MED12L: variants seen among roughly 807,000 people sequenced by gnomAD.
MED12L encodes mediator of RNA polymerase II transcription subunit 12-like protein.
MED12L carries 60 observed loss-of-function variants against 281.3 expected under a neutral mutation model. The ratio of observed to expected loss-of-function variants is 0.21; its 90% confidence interval spans 0.17 to 0.26. The LOEUF is 0.26. Ranked by LOEUF, MED12L falls within the 10% of genes least tolerant of loss-of-function variation. MED12L has a pLI of 1.00. For synonymous variants in MED12L, 974 were observed against 987.2 expected (o/e 0.99, Z 0.25); for missense variants, 2,146 against 2,680.9 (o/e 0.80, Z 4.41).
intron 15 of MED12L, 30 bp downstream of exon 15, chr3:151,192,684 AT>A: frequency 7.4e-7 from 1 of 1,354,700 alleles, no homozygotes; most frequent in Non-Finnish European, 1.0e-6. Context: ...CTTATTGACA[AT>A]TAAGAATTAA....
intron 20 of MED12L, among the ~76,000 whole-genome samples, chr3:151,358,956 A>G (rs6793898): frequency 0.42 from 63,458 of 152,020 alleles, 13,766 homozygotes; most frequent in African/African-American, 0.54. Flanking sequence ...TTATTTTAGA[A>G]CAGATTTATT....
chr3:151,248,060 G>T (rs1178771632), intron 16 of MED12L, among the ~76,000 whole-genome samples: 2 of 125,926 alleles, frequency 1.6e-5, no homozygotes, highest in South Asian at 2.7e-4. Context: ...CTAGATTTTT[G>T]GAAATTACTA....
intron 16 of MED12L, among the ~76,000 whole-genome samples, chr3:151,290,548 C>T (rs1160995520): frequency 1.3e-5 from 2 of 151,802 alleles, no homozygotes; most frequent in African/African-American, 2.4e-5. Context: ...ATAAATTATA[C>T]ATTTTTAAAA....
chr3:151,287,874 T>C (rs547020672), intron 16 of MED12L, among the ~76,000 whole-genome samples: 2 of 152,360 alleles, frequency 1.3e-5, no homozygotes, highest in South Asian at 4.1e-4. Flanking sequence ...AAAGCAGTCA[T>C]CTATTGAAGC....
chr3:151,146,879 C>A (rs1043229888), intron 5 of MED12L, among the ~76,000 whole-genome samples: 1 of 152,158 alleles, frequency 6.6e-6, no homozygotes, highest in Non-Finnish European at 1.5e-5. Context: ...GATCATTCAG[C>A]AGAACCCAGC....
At chr3:151,421,697 C>T (rs542235517) in intron 43 of MED12L, among the ~76,000 whole-genome samples, 2 of 152,266 alleles carry the variant, frequency 1.3e-5, no homozygotes, top group South Asian at 4.1e-4. Context: ...GCATGAGCCA[C>T]CATGCCTGGC....
chr3:151,116,560 C>A, intron 3 of MED12L, 118 bp downstream of exon 3: 1 of 661,530 alleles, frequency 1.5e-6, no homozygotes, highest in South Asian at 1.9e-5. Context: ...CAGATTTCCC[C>A]CAAATACCAT....
chr3:151,211,029 A>G (rs184439984), intron 16 of MED12L, among the ~76,000 whole-genome samples: 66 of 152,304 alleles, frequency 4.3e-4, no homozygotes, highest in African/African-American at 1.4e-3. Context: ...AGTGCTAGTG[A>G]TTTCTGGGAA....
At chr3:151,093,536 G>T (rs1394020056) in intron 2 of MED12L, among the ~76,000 whole-genome samples, 2 of 152,124 alleles carry the variant, frequency 1.3e-5, no homozygotes, top group Non-Finnish European at 2.9e-5. Context: ...GAATCTTTTG[G>T]ATAATAAATA....
intron 16 of MED12L, chr3:151,202,987 T>C (rs1406458821): frequency 4.0e-5 from 6 of 149,632 alleles, no homozygotes. Flanking sequence ...TAAAAATTGA[T>C]GCTTTTTTTT....
At chr3:151,243,489 A>G (rs559899467) in intron 16 of MED12L, among the ~76,000 whole-genome samples, 16 of 152,214 alleles carry the variant, frequency 1.1e-4, no homozygotes, top group Non-Finnish European at 2.4e-4. Flanking sequence ...AGAATTTTCA[A>G]CCTGGAATTT....
intron 16 of MED12L, among the ~76,000 whole-genome samples, chr3:151,237,459 C>T (rs1183266965): frequency 1.4e-5 from 2 of 138,954 alleles, no homozygotes; most frequent in African/African-American, 5.3e-5. Flanking sequence ...AAGCGATTCT[C>T]CTGCCTCCGC....
chr3:151,295,225 G>T (rs564347668), intron 16 of MED12L: 2 of 1,575,820 alleles, frequency 1.3e-6, no homozygotes, highest in Admixed American at 1.7e-5. Flanking sequence ...TAGGAGAAGT[G>T]GGGAGATAGG....
chr3:151,414,570 T>G (rs903577494), intron 42 of MED12L, among the ~76,000 whole-genome samples: 2 of 152,186 alleles, frequency 1.3e-5, no homozygotes, highest in South Asian at 2.1e-4. Flanking sequence ...TTCAGTGTGA[T>G]CCACAAAATT....
At chr3:151,355,054 T>C in intron 17 of MED12L, 67 bp from the exon 18 acceptor site, 1 of 1,125,844 alleles carries the variant, frequency 8.9e-7, no homozygotes, top group Non-Finnish European at 1.3e-6. Flanking sequence ...TAAAAAAAAG[T>C]ATCCATTAAA....
Position 151,411,381 on chromosome 3 carries a change from G to A in MED12L, c.6014G>A (p.Arg2005Lys), listed in dbSNP as rs576353393. Residue 2005 changes from arginine to lysine, a missense_variant, in exon 41 of 45, where the codon AGA becomes AAA. By Grantham distance (26) the Arg-to-Lys change is conservative. Coordinates refer to ENST00000687756, the MANE Select transcript of MED12L (RefSeq NM_001393769.1). ...GTCCTGTCTCCCAGCTATAACTCCA[G>A]AGCCTATCCGGCCGCACATTCCAAC... ...SVVLSPSYNSRAYPAAHSNPV... is the reference protein window; with the variant it reads ...SVVLSPSYNSKAYPAAHSNPV... 1.9e-6 allele frequency: 3 copies of A among 1,614,160 alleles called. No homozygotes were observed. The Admixed American group carries it at 5.0e-5, about 27-fold the overall frequency.
In MED12L at chr3:151,122,920, T is replaced by C. The variant is rs780971821; in HGVS notation, c.342T>C (p.His114=). 11 of 1,611,952 alleles carry C rather than the reference T, an allele frequency of 6.8e-6. No individual in the cohort carries two copies. Among genetic ancestry groups the C allele is most frequent in the Non-Finnish European group, 9.3e-6 (11 of 1,179,290 alleles). The change falls in exon 4 of 45, where the codon CAT becomes CAC. Residue 114 remains histidine, a synonymous_variant. Coordinates refer to ENST00000687756, the MANE Select transcript of MED12L (RefSeq NM_001393769.1). The part of the protein sequence containing the change: ...LVTARSQSAI[H]SWFSDLAGNK... ...CTGCTCGATCCCAGAGTGCAATTCA[T>C]AGTTGGTTTTCTGACTTAGCAGGAA...
chr3:151,401,058 A>T (rs1336740549), intron 39 of MED12L, among the ~76,000 whole-genome samples: 1 of 152,196 alleles, frequency 6.6e-6, no homozygotes, highest in East Asian at 1.9e-4. Flanking sequence ...GCATCCATCA[A>T]CATAAACATT....
At chr3:151,367,914 T>C in intron 24 of MED12L, 148 bp downstream of exon 24, 1 of 1,003,218 alleles carries the variant, frequency 1.0e-6, no homozygotes, top group Non-Finnish European at 1.5e-6. Context: ...AGAATTTTAA[T>C]AGTTATTTTA....
Sources: gnomAD v4.1 joint callset for allele counts (sites outside exome capture counted in the v4.1 genomes callset) on GRCh38, gnomAD v4.1.1 for gene constraint, MANE v1.5 for transcripts, NCBI Gene and HGNC (gene_info 2026-07-23, HGNC 2026-07-21) for gene names.